Variants in RAD54B observed in about 807,000 individuals in gnomAD.
RAD54B encodes RAD54 homolog B.
Under a neutral mutation model 95.8 loss-of-function variants are expected in RAD54B, and 78 were observed. The ratio of observed to expected loss-of-function variants is 0.81; its 90% CI spans 0.68 to 0.98. RAD54B has a LOEUF of 0.98. Among genes scored for constraint, RAD54B ranks in the 50% least tolerant of loss-of-function variants. The pLI is 0.00. For missense variants in RAD54B, 957 were observed against 1,056.6 expected (o/e 0.91, Z 1.31); for synonymous variants, 328 against 354.9 (o/e 0.92, Z 0.85).
Position 94,391,741 on chromosome 8 carries a change from A to G in RAD54B, c.1677T>C (p.Tyr559=). ...CRPGALQIEL[Y]RKLLNSQVVR... ...CAACCTGAGAATTTAACAGCTTTCG[A>G]TAAAGCTCAATCTGTAGTGCTCCTG... The change falls in exon 10 of 15, where the codon TAT becomes TAC. Residue 559 remains tyrosine, a synonymous_variant. Transcript: ENST00000336148. The G allele has an allele frequency of 6.2e-7, 1 of 1,614,044 alleles. No individual in the cohort carries two copies. Among genetic ancestry groups the G allele is most frequent in the Non-Finnish European group, 8.5e-7 (1 of 1,180,008 alleles).
At chr8:94,428,445 G>T in intron 3 of RAD54B, 1 of 449,046 alleles carries the variant, frequency 2.2e-6, no homozygotes, top group Non-Finnish European at 2.9e-6. Flanking sequence ...TATATAAAAT[G>T]TTTGTATTCA....
At chr8:94,460,692 C>CA (rs995274888) in intron 2 of RAD54B, among the ~76,000 whole-genome samples, 2 of 152,178 alleles carry the variant, frequency 1.3e-5, no homozygotes, top group African/African-American at 4.8e-5. Context: ...GGTCTTACTG[C>CA]ATTAAAATCA....
intron 3 of RAD54B, among the ~76,000 whole-genome samples, chr8:94,452,479 GT>G (rs1445160602): frequency 2.0e-5 from 3 of 151,954 alleles, no homozygotes; most frequent in Non-Finnish European, 2.9e-5. Context: ...ATTTGTGGAA[GT>G]TTTTTATACT....
intron 3 of RAD54B, chr8:94,436,506 G>C: frequency 3.2e-6 from 5 of 1,547,042 alleles, no homozygotes; most frequent in South Asian, 1.2e-5. Context: ...TTTGTATGTG[G>C]TTCCTGTCTC....
chr8:94,432,407 A>T, intron 3 of RAD54B: 1 of 1,550,484 alleles, frequency 6.4e-7, no homozygotes, highest in Non-Finnish European at 8.7e-7. Flanking sequence ...TTGGAATAGA[A>T]GATGGAGACG....
chr8:94,405,394 AAT>A (rs1811363643), intron 5 of RAD54B, among the ~76,000 whole-genome samples: 4 of 152,336 alleles, frequency 2.6e-5, no homozygotes, highest in Middle Eastern at 3.4e-3. Flanking sequence ...GATAAAAAGA[AAT>A]AGACTCCAGT....
intron 3 of RAD54B, among the ~76,000 whole-genome samples, chr8:94,418,140 G>T (rs78687381): frequency 0.012 from 1,817 of 152,172 alleles, 113 homozygotes; most frequent in Admixed American, 0.096. Flanking sequence ...GTAGTGGATA[G>T]TTTTTTACCC....
chr8:94,410,882 T>G (rs1313063285), intron 4 of RAD54B, among the ~76,000 whole-genome samples: 4 of 152,112 alleles, frequency 2.6e-5, no homozygotes, highest in Non-Finnish European at 5.9e-5. Flanking sequence ...CTGGCCATTT[T>G]TGGAGAAAAT....
At chr8:94,468,210 C>T (rs1335541204) in intron 1 of RAD54B, among the ~76,000 whole-genome samples, 1 of 152,190 alleles carries the variant, frequency 6.6e-6, no homozygotes, top group Non-Finnish European at 1.5e-5. Flanking sequence ...CCTGTAACCT[C>T]TGCCTCCCCA....
At chr8:94,380,605 G>C (rs774895309) in intron 11 of RAD54B, among the ~76,000 whole-genome samples, 199 bp from the exon 12 acceptor site, 60 of 152,142 alleles carry the variant, frequency 3.9e-4, no homozygotes, top group Non-Finnish European at 7.3e-4. Context: ...AAGACAGTGC[G>C]GCAAAGACCT....
rs201573640 is a variant in RAD54B at position 94,399,627 on chromosome 8, G to A, written c.1171-6C>T. Reference sequence around the variant, plus strand: ...AATTCTTCAACTTTGTGGTCCTGAGGAAAAAAGATAGTATTTTAAAAATCA... The same window carrying A: ...AATTCTTCAACTTTGTGGTCCTGAGAAAAAAAGATAGTATTTTAAAAATCA... On this transcript the variant is annotated splice_polypyrimidine_tract_variant and splice_region_variant and intron_variant, in intron 7 of 14. Coordinates refer to ENST00000336148, the MANE Select transcript of RAD54B (RefSeq NM_012415.3). 881 of 1,590,316 alleles carry A rather than the reference G, an allele frequency of 5.5e-4. No individual in the cohort carries two copies. Among genetic ancestry groups the A allele is most frequent in the Non-Finnish European group, 7.2e-4 (842 of 1,172,860 alleles).
At chr8:94,438,362 A>G (rs765758022) in intron 3 of RAD54B, among the ~76,000 whole-genome samples, 11 of 152,218 alleles carry the variant, frequency 7.2e-5, no homozygotes, top group Admixed American at 1.3e-4. Context: ...TGATTCCATA[A>G]TAGTTCTACC....
intron 1 of RAD54B, among the ~76,000 whole-genome samples, chr8:94,469,377 C>T (rs73271995): frequency 0.1 from 15,669 of 152,186 alleles, 1,538 homozygotes; most frequent in African/African-American, 0.25. Context: ...CCATGTAAGA[C>T]GTGGCTTGCT....
chr8:94,412,980 T>A (rs1442480005), intron 3 of RAD54B, among the ~76,000 whole-genome samples: 1 of 152,044 alleles, frequency 6.6e-6, no homozygotes, highest in Non-Finnish European at 1.5e-5. Flanking sequence ...AAAACAGACA[T>A]GTGAAATACT....
chr8:94,404,330 T>G, intron 5 of RAD54B, 91 bp from the exon 6 acceptor site: 1 of 1,258,042 alleles, frequency 7.9e-7, no homozygotes, highest in African/African-American at 1.5e-5. Flanking sequence ...TAGAAATGTT[T>G]GCCATCATTT....
chr8:94,372,521 T>A, intron 14 of RAD54B, 134 bp from the exon 15 acceptor site: 1 of 1,423,820 alleles, frequency 7.0e-7, no homozygotes, highest in Non-Finnish European at 9.2e-7. Flanking sequence ...TAAAACAAAT[T>A]CATTCTTTTT....
Position 94,380,374 on chromosome 8 carries a change from A to G in RAD54B, c.2018T>C (p.Leu673Ser). The G allele has an allele frequency of 6.2e-7, 1 of 1,613,556 alleles. No homozygotes were observed. Among genetic ancestry groups the G allele is most frequent in the Non-Finnish European group, 8.5e-7 (1 of 1,179,632 alleles). The change falls in exon 12 of 15, where the codon TTG (leucine) becomes TCG (serine). Residue 673 changes from leucine to serine, a missense_variant. Coordinates refer to ENST00000336148, the MANE Select transcript of RAD54B (RefSeq NM_012415.3). ...VVLVSNYTQTLNILQEVCKRH... is the reference protein window; with the variant it reads ...VVLVSNYTQTSNILQEVCKRH... ...CTTACATACTTCTTGTAAAATGTTC[A>G]AGGTTTGTGTATAGTTGGATACCAA... is the stretch of plus-strand genomic sequence containing the variant.
chr8:94,469,257 ATAATCC>A (rs1813109330), intron 1 of RAD54B, among the ~76,000 whole-genome samples: 1 of 152,190 alleles, frequency 6.6e-6, no homozygotes, highest in Admixed American at 6.5e-5. Flanking sequence ...TTGAATTGTA[ATAATCC>A]CCATGTCAAG....
At chr8:94,467,306 T>C in intron 2 of RAD54B, 99 bp downstream of exon 2, 1 of 1,076,546 alleles carries the variant, frequency 9.3e-7, no homozygotes, top group Non-Finnish European at 1.3e-6. Flanking sequence ...TACTGAAAAT[T>C]CCTACAGGCA....
Sources: allele counts gnomAD v4.1 joint callset (sites outside exome capture counted in the v4.1 genomes callset), GRCh38; gene constraint gnomAD v4.1.1; transcripts MANE v1.5; gene names NCBI Gene and HGNC (gene_info 2026-07-23, HGNC 2026-07-21).